Variants in CNGA1 observed in about 807,000 individuals in gnomAD.
The protein encoded by CNGA1 is cyclic nucleotide gated channel subunit alpha 1.
Under a neutral mutation model 69.7 loss-of-function variants are expected in CNGA1, and 53 were observed. That is an observed-to-expected ratio of 0.76 (90% CI 0.61 to 0.96). The LOEUF is 0.96. Ranked by LOEUF, CNGA1 falls within the 40% of genes least tolerant of loss-of-function variation. The pLI, the probability that CNGA1 is intolerant of heterozygous loss-of-function variation, is 0.00. For synonymous variants in CNGA1, 249 were observed against 283.5 expected (o/e 0.88, Z 1.22); for missense variants, 739 against 811.2 (o/e 0.91, Z 1.08).
At chr4:48,007,049 G>C (rs1490663857) in intron 2 of CNGA1, among the ~76,000 whole-genome samples, 1 of 150,858 alleles carries the variant, frequency 6.6e-6, no homozygotes, top group Non-Finnish European at 1.5e-5. Flanking sequence ...ATAACTCAAG[G>C]GTTTGAAAAA....
At position 47,937,107 on chromosome 4, in the gene CNGA1, C is replaced by A. The variant is rs939558963; in HGVS notation, c.1375G>T (p.Ala459Ser). The A allele has an allele frequency of 6.2e-7, 1 of 1,614,196 alleles. No individual in the cohort carries two copies. The highest frequency in any genetic ancestry group is 2.2e-5 in the East Asian group (1 of 44,886). Residue 459 changes from alanine to serine, a missense_variant, in exon 11 of 11, where the codon GCA becomes TCA. Transcript: ENST00000514170. ...VLKYLPDKLRAEIAINVHLDT... is the reference protein window; with the variant it reads ...VLKYLPDKLRSEIAINVHLDT... ...AAGTGAACGTTGATGGCAATTTCTG[C>A]TCTTAGTTTATCAGGTAGATACTTT...
chr4:47,987,003 AGTTGTGTTGTGTTGT>A (rs1742006144), intron 2 of CNGA1, among the ~76,000 whole-genome samples: 3 of 131,012 alleles, frequency 2.3e-5, no homozygotes, highest in Non-Finnish European at 5.0e-5. Flanking sequence ...TGTTGTGTTG[AGTTGTGTTGTGTTGT>A]GTTTTCCCCT....
chr4:47,950,499 ATCAG>A (rs1247075870), intron 5 of CNGA1, among the ~76,000 whole-genome samples: 2 of 152,182 alleles, frequency 1.3e-5, no homozygotes, highest in Non-Finnish European at 2.9e-5. Context: ...GTAAATGCAT[ATCAG>A]TCAATGTTCA....
intron 2 of CNGA1, among the ~76,000 whole-genome samples, chr4:48,009,488 T>C (rs774523429): frequency 2.3e-4 from 34 of 147,498 alleles, no homozygotes; most frequent in Non-Finnish European, 4.3e-4. Flanking sequence ...AAAAGGACTT[T>C]ACTTAAATCA....
chr4:48,011,097 C>T (rs2109356557), intron 1 of CNGA1, among the ~76,000 whole-genome samples: 1 of 152,166 alleles, frequency 6.6e-6, no homozygotes, highest in East Asian at 1.9e-4. Context: ...CTGTTTTTGC[C>T]TAATTAGCAT....
chr4:47,955,997 T>C (rs375492555), intron 3 of CNGA1, among the ~76,000 whole-genome samples: 19 of 152,342 alleles, frequency 1.2e-4, no homozygotes, highest in African/African-American at 3.8e-4. Flanking sequence ...GCGACAGATA[T>C]GGTGAATTGG....
intron 3 of CNGA1, among the ~76,000 whole-genome samples, chr4:47,964,101 A>C (rs1740601315): frequency 1.3e-5 from 2 of 152,236 alleles, no homozygotes; most frequent in South Asian, 4.1e-4. Context: ...TTCTAAGATG[A>C]GAAATTCTTC....
intron 2 of CNGA1, among the ~76,000 whole-genome samples, chr4:47,999,433 C>G (rs1201540588): frequency 6.6e-6 from 1 of 152,044 alleles, no homozygotes; most frequent in African/African-American, 2.4e-5. Context: ...TTTAAGGAGG[C>G]AATAAAATCC....
At chr4:47,958,130 G>A (rs181229948) in intron 3 of CNGA1, among the ~76,000 whole-genome samples, 4 of 151,952 alleles carry the variant, frequency 2.6e-5, no homozygotes, top group Admixed American at 1.3e-4. Flanking sequence ...TCCTGACCTC[G>A]TGATCCACCC....
In CNGA1 at chr4:47,937,731, G is replaced by A. The variant is rs1004761809; in HGVS notation, c.751C>T (p.Pro251Ser). Residue 251 changes from proline to serine, a missense_variant, in exon 11 of 11, where the codon CCA (proline) becomes TCA (serine). Coordinates refer to ENST00000514170, the MANE Select transcript of CNGA1 (RefSeq NM_001379270.1). ...QFKLDVLSLIPTDLLYFKLGW... is the reference protein window; with the variant it reads ...QFKLDVLSLISTDLLYFKLGW... ...AACTTAAAATACAGCAAATCAGTTG[G>A]TATCAGTGACAGAACATCAAGTTTA... 6.2e-7 allele frequency: 1 copy of A among 1,613,796 alleles called. No homozygotes were observed. Among genetic ancestry groups the A allele is most frequent in the Non-Finnish European group, 8.5e-7 (1 of 1,179,784 alleles).
At chr4:47,969,994 T>C (rs974863691) in intron 3 of CNGA1, among the ~76,000 whole-genome samples, 1 of 152,188 alleles carries the variant, frequency 6.6e-6, no homozygotes, top group Non-Finnish European at 1.5e-5. Context: ...AGATAAGTAA[T>C]ACTTTTGAAG....
chr4:47,937,529 G>A lies in CNGA1; in HGVS notation c.953C>T (p.Ser318Phe). ...ATCATTTCCAAATCCAATAGCTTTA[G>A]AAATAGAGTAGAACACACATGCATT... ...HWNACVFYSI[S>F]KAIGFGNDTW... The change falls in exon 11 of 11, where the codon TCT (serine) becomes TTT (phenylalanine). Residue 318 changes from serine (S) to phenylalanine (F), a missense_variant. Coordinates refer to ENST00000514170, the MANE Select transcript of CNGA1 (RefSeq NM_001379270.1). 6.2e-7 allele frequency: 1 copy of A among 1,614,154 alleles called. No homozygotes were observed. The highest frequency in any genetic ancestry group is 1.3e-5 in the African/African-American group (1 of 75,038).
intron 10 of CNGA1, among the ~76,000 whole-genome samples, chr4:47,938,119 T>A (rs533620599): frequency 6.7e-6 from 1 of 149,180 alleles, no homozygotes; most frequent in African/African-American, 2.5e-5. Context: ...GAGGCTGCAG[T>A]GAGCCATGAT....
chr4:48,005,891 G>A (rs374997658), intron 2 of CNGA1, among the ~76,000 whole-genome samples: 8 of 152,308 alleles, frequency 5.3e-5, no homozygotes, highest in African/African-American at 1.9e-4. Context: ...CTGTATTGTC[G>A]TAAGTTAAGA....
intron 3 of CNGA1, among the ~76,000 whole-genome samples, chr4:47,964,087 T>G (rs749918444): frequency 1.4e-4 from 22 of 152,200 alleles, no homozygotes; most frequent in Non-Finnish European, 2.9e-4. Flanking sequence ...GAGAAACAAC[T>G]GCTTTCTAAG....
At chr4:47,970,363 T>A (rs567578315) in intron 3 of CNGA1, among the ~76,000 whole-genome samples, 1 of 152,046 alleles carries the variant, frequency 6.6e-6, no homozygotes, top group Admixed American at 6.5e-5. Context: ...CTGACAAAAT[T>A]ATCTCCTGCT....
chr4:48,013,097 C>A (rs1560318420), intron 1 of CNGA1, among the ~76,000 whole-genome samples: 1 of 152,180 alleles, frequency 6.6e-6, no homozygotes, highest in Non-Finnish European at 1.5e-5. Context: ...TAGATCTTGA[C>A]CAAATTTGGG....
intron 5 of CNGA1, among the ~76,000 whole-genome samples, 198 bp downstream of exon 5, chr4:47,951,155 C>T (rs1287429869): frequency 6.6e-6 from 1 of 151,970 alleles, no homozygotes; most frequent in African/African-American, 2.4e-5. Context: ...GAGGCATTTG[C>T]CGAGCTTGCT....
intron 3 of CNGA1, among the ~76,000 whole-genome samples, chr4:47,968,462 C>T (rs1740845690): frequency 6.6e-6 from 1 of 151,900 alleles, no homozygotes; most frequent in Admixed American, 6.6e-5. Context: ...AGAAATCAGC[C>T]AATCAGAAAA....
Sources: allele counts gnomAD v4.1 joint callset (sites outside exome capture counted in the v4.1 genomes callset), GRCh38; gene constraint gnomAD v4.1.1; transcripts MANE v1.5; gene names NCBI Gene and HGNC (gene_info 2026-07-23, HGNC 2026-07-21).